Variants in SYK observed in about 807,000 individuals in gnomAD.
SYK encodes spleen associated tyrosine kinase, also known as tyrosine-protein kinase SYK.
Under a neutral mutation model 77.8 loss-of-function variants are expected in SYK, and 16 were observed. The observed-to-expected ratio is 0.21, with a 90% CI of 0.14 to 0.31. The LOEUF is 0.31. Ranked by LOEUF, SYK falls within the 10% of genes least tolerant of loss-of-function variation. The pLI, the probability that SYK is intolerant of heterozygous loss-of-function variation, is 1.00. For synonymous variants in SYK, 312 were observed against 308.7 expected (o/e 1.01, Z -0.11); for missense variants, 529 against 814.4 (o/e 0.65, Z 4.26).
intron 7 of SYK, among the ~76,000 whole-genome samples, chr9:90,867,959 T>C (rs1372366209): frequency 6.6e-6 from 1 of 152,232 alleles, no homozygotes; most frequent in Admixed American, 6.5e-5. Flanking sequence ...ATTGGTTCTT[T>C]TATCAGTAAT....
At chr9:90,837,068 T>C (rs891336571) in intron 1 of SYK, among the ~76,000 whole-genome samples, 1 of 151,972 alleles carries the variant, frequency 6.6e-6, no homozygotes, top group Non-Finnish European at 1.5e-5. Flanking sequence ...TAATCAGTTA[T>C]TTATGTTATA....
chr9:90,867,169 A>T lies in SYK; in HGVS notation c.885A>T (p.Ser295=). ...GTGGAATAATCTCAAGAATCAAATC[A>T]TACTCCTTCCCAAAGCCTGGCCACA... ...SAGGIISRIK[S]YSFPKPGHRK... Residue 295 remains serine, a synonymous_variant, in exon 7 of 14, where the codon TCA becomes TCT. Transcript: ENST00000375754. The T allele has an allele frequency of 6.2e-7, 1 of 1,614,146 alleles. No homozygotes were observed.
chr9:90,855,372 G>T (rs182043024), intron 3 of SYK, among the ~76,000 whole-genome samples: 1 of 152,286 alleles, frequency 6.6e-6, no homozygotes, highest in East Asian at 1.9e-4. Context: ...GAGAGGTGTT[G>T]TTCTCATGTT....
intron 2 of SYK, among the ~76,000 whole-genome samples, 177 bp downstream of exon 2, chr9:90,844,492 T>C (rs1429280948): frequency 6.6e-6 from 1 of 152,236 alleles, no homozygotes; most frequent in African/African-American, 2.4e-5. Flanking sequence ...CCTTTCCTCT[T>C]TCACAGCCAC....
chr9:90,822,680 T>A (rs150131343), intron 1 of SYK, among the ~76,000 whole-genome samples: 2,380 of 152,280 alleles, frequency 0.016, 64 homozygotes, highest in African/African-American at 0.055. Flanking sequence ...GCCCACAGGA[T>A]GAGTCCAGGT....
At chr9:90,881,881 G>T (rs1053260326) in intron 11 of SYK, among the ~76,000 whole-genome samples, 12 of 152,074 alleles carry the variant, frequency 7.9e-5, no homozygotes, top group Admixed American at 1.3e-4. Flanking sequence ...TCTAGCACGG[G>T]CTGCCACGGC....
At chr9:90,817,087 C>A (rs1371919079) in intron 1 of SYK, among the ~76,000 whole-genome samples, 2 of 151,874 alleles carry the variant, frequency 1.3e-5, no homozygotes, top group African/African-American at 2.4e-5. Context: ...TTGTTTTTTG[C>A]AATTTTTTGT....
At chr9:90,869,391 A>T (rs950887060) in intron 7 of SYK, among the ~76,000 whole-genome samples, 2 of 152,210 alleles carry the variant, frequency 1.3e-5, no homozygotes, top group African/African-American at 4.8e-5. Context: ...CACATATATA[A>T]GGCCAAAAAT....
intron 11 of SYK, among the ~76,000 whole-genome samples, chr9:90,880,775 G>A (rs1049233717): frequency 6.6e-6 from 1 of 152,222 alleles, no homozygotes; most frequent in African/African-American, 2.4e-5. Flanking sequence ...CTCACACAGG[G>A]GATTGCACAG....
intron 7 of SYK, among the ~76,000 whole-genome samples, chr9:90,868,218 T>C (rs1046218217): frequency 6.6e-6 from 1 of 152,194 alleles, no homozygotes; most frequent in Non-Finnish European, 1.5e-5. Flanking sequence ...TATTTTACAC[T>C]TGAATAAAGT....
At chr9:90,828,055 T>C (rs964182124) in intron 1 of SYK, among the ~76,000 whole-genome samples, 1 of 152,152 alleles carries the variant, frequency 6.6e-6, no homozygotes, top group Non-Finnish European at 1.5e-5. Context: ...TTTGCTTAAG[T>C]CAGGTGTTTT....
At chr9:90,823,487 A>T (rs1330052455) in intron 1 of SYK, among the ~76,000 whole-genome samples, 1 of 152,364 alleles carries the variant, frequency 6.6e-6, no homozygotes, top group African/African-American at 2.4e-5. Context: ...AAGATAGAGC[A>T]CATTCTTGGA....
chr9:90,887,038 TGAG>T (rs1208845191), intron 11 of SYK, among the ~76,000 whole-genome samples: 1 of 152,196 alleles, frequency 6.6e-6, no homozygotes, highest in African/African-American at 2.4e-5. Flanking sequence ...CCTATGTAAA[TGAG>T]GAGGATGAAG....
At chr9:90,824,754 C>A (rs77202369) in intron 1 of SYK, among the ~76,000 whole-genome samples, 1 of 149,670 alleles carries the variant, frequency 6.7e-6, no homozygotes, top group Non-Finnish European at 1.5e-5. Flanking sequence ...AAAAAAAAAC[C>A]TACAGGTAAC....
In SYK at chr9:90,887,728, C is replaced by A. The variant is rs765990672; in HGVS notation, c.1582-21C>A. The A allele has an allele frequency of 1.3e-5, 20 of 1,585,724 alleles. 1 individual carries two copies. The East Asian group carries it at 4.3e-4, about 34-fold the overall frequency. ...CACAATTTTATTCTTAATGGAATTT[C>A]TCCCTCTGCTTTGCTTTTAGGCCCA... On this transcript the variant is annotated intron_variant, in intron 11 of 13. Transcript: ENST00000375754.
At chr9:90,855,384 A>G (rs1826987749) in intron 3 of SYK, among the ~76,000 whole-genome samples, 1 of 152,130 alleles carries the variant, frequency 6.6e-6, no homozygotes, top group Non-Finnish European at 1.5e-5. Context: ...TCTCATGTTC[A>G]AGGTGACAGG....
At chr9:90,870,417 T>C (rs1827684915) in intron 7 of SYK, among the ~76,000 whole-genome samples, 1 of 152,222 alleles carries the variant, frequency 6.6e-6, no homozygotes, top group African/African-American at 2.4e-5. Context: ...ATTTTTCATG[T>C]TTTATTCCAA....
intron 9 of SYK, among the ~76,000 whole-genome samples, chr9:90,876,287 C>CAA (rs71923873): frequency 3.3e-5 from 4 of 120,058 alleles, no homozygotes; most frequent in African/African-American, 9.6e-5. Context: ...AACTCTGCCT[C>CAA]AAAAAAAAAA....
rs555424877 is a variant in SYK, at chr9:90,886,922, A to G, written c.1582-827A>G. Among the ~76,000 whole-genome samples, 28 of 151,332 alleles carry G rather than the reference A, an allele frequency of 1.9e-4. No homozygotes were observed. In the South Asian group the frequency reaches 2.7e-3, roughly 15 times the overall value. On this transcript the variant is annotated intron_variant, in intron 11 of 13. Transcript: ENST00000375754. ...AATGGATAAAGAAAATGTGGTGTGTATATATATATATACACCTCTAGAGGT... is the reference window on the plus strand; with the variant it reads ...AATGGATAAAGAAAATGTGGTGTGTGTATATATATATACACCTCTAGAGGT...
Sources: allele counts gnomAD v4.1 joint callset (sites outside exome capture counted in the v4.1 genomes callset), GRCh38; gene constraint gnomAD v4.1.1; transcripts MANE v1.5; gene names NCBI Gene and HGNC (gene_info 2026-07-23, HGNC 2026-07-21).